The following NF2 variants were observed in gnomAD, a reference collection of about 807,000 sequenced individuals.
NF2 encodes NF2, moesin-ezrin-radixin like (MERLIN) tumor suppressor, also known as merlin.
NF2 carries 8 observed loss-of-function variants against 83.7 expected under a neutral mutation model. The ratio of observed to expected loss-of-function variants is 0.10; its 90% CI spans 0.06 to 0.17. The LOEUF is 0.17. NF2 is among the 10% of genes least tolerant of loss of function. NF2 has a pLI of 1.00. For synonymous variants in NF2, 266 were observed against 269.6 expected (o/e 0.99, Z 0.13); for missense variants, 533 against 744.4 (o/e 0.72, Z 3.31).
intron 1 of NF2, among the ~76,000 whole-genome samples, chr22:29,607,615 G>A (rs1431668296): frequency 1.3e-5 from 2 of 152,114 alleles, no homozygotes; most frequent in Non-Finnish European, 2.9e-5. Context: ...ATTGTGAGAC[G>A]TACAAAGAAA....
At chr22:29,675,746 A>G (rs574644060) in intron 13 of NF2, among the ~76,000 whole-genome samples, 12 of 152,194 alleles carry the variant, frequency 7.9e-5, no homozygotes, top group East Asian at 3.9e-4. Context: ...AGTCATCTAC[A>G]TGGCACAGAC....
chr22:29,677,500 CAA>C (rs200098005), intron 13 of NF2, among the ~76,000 whole-genome samples: 3 of 128,756 alleles, frequency 2.3e-5, no homozygotes, highest in African/African-American at 2.9e-5. Flanking sequence ...GATGAAAGTC[CAA>C]AAAAAAAAAA....
At chr22:29,619,453 G>A (rs1352888536) in intron 1 of NF2, among the ~76,000 whole-genome samples, 6 of 151,376 alleles carry the variant, frequency 4.0e-5, no homozygotes, top group African/African-American at 1.5e-4. Context: ...CTGGAGTGCA[G>A]TGGCGTGATC....
intron 13 of NF2, 37 bp downstream of exon 13, chr22:29,674,978 C>A (rs2147094534): frequency 6.6e-7 from 1 of 1,515,912 alleles, no homozygotes; most frequent in Non-Finnish European, 9.0e-7. Flanking sequence ...CTGCCTTAGT[C>A]CTGGTGATGT....
intron 15 of NF2, among the ~76,000 whole-genome samples, chr22:29,682,350 A>G (rs887200118): frequency 6.6e-6 from 1 of 152,212 alleles, no homozygotes; most frequent in East Asian, 1.9e-4. Flanking sequence ...ATACTGATAC[A>G]GTTAATTTTT....
chr22:29,654,349 C>T (rs551325371), intron 4 of NF2, among the ~76,000 whole-genome samples: 1 of 152,306 alleles, frequency 6.6e-6, no homozygotes. Flanking sequence ...AATTCAAAAG[C>T]TACTGTTTTG....
chr22:29,624,493 C>T (rs2065291504), intron 1 of NF2, among the ~76,000 whole-genome samples: 1 of 152,124 alleles, frequency 6.6e-6, no homozygotes, highest in African/African-American at 2.4e-5. Flanking sequence ...CAGGTGTGAG[C>T]CAACGTGCCT....
intron 5 of NF2, 102 bp downstream of exon 5, chr22:29,654,827 T>C (rs2066252584): frequency 2.3e-6 from 2 of 860,584 alleles, no homozygotes; most frequent in African/African-American, 1.7e-5. Flanking sequence ...CATAGCAATT[T>C]AATTTTAATA....
At chr22:29,653,388 G>A (rs1431925309) in intron 4 of NF2, among the ~76,000 whole-genome samples, 1 of 147,288 alleles carries the variant, frequency 6.8e-6, no homozygotes, top group Non-Finnish European at 1.5e-5. Flanking sequence ...AGGTTGCGGT[G>A]AGCTGAGATC....
chr22:29,618,732 T>C (rs2065136897), intron 1 of NF2, among the ~76,000 whole-genome samples: 1 of 152,236 alleles, frequency 6.6e-6, no homozygotes, highest in African/African-American at 2.4e-5. Context: ...CTCCTTCTCC[T>C]GTTGTTTGGC....
At chr22:29,609,300 A>C (rs1413948431) in intron 1 of NF2, 1 of 679,612 alleles carries the variant, frequency 1.5e-6, no homozygotes, top group Non-Finnish European at 2.8e-6. Flanking sequence ...TTAAAGGTTC[A>C]CTGGTTGAGG....
At position 29,668,464 on chromosome 22, in the gene NF2, T is replaced by G. The variant is rs552945722; in HGVS notation, c.999+18T>G. 6.3e-7 allele frequency: 1 copy of G among 1,578,286 alleles called. No individual in the cohort carries two copies. The highest frequency in any genetic ancestry group is 1.7e-5 in the Admixed American group (1 of 59,822). Reference sequence around the variant, plus strand: ...GAAAGCAGGTGAGCACAACCTTGTTTTAACTGATGATGTCACTGTGTGGTC... The same window carrying G: ...GAAAGCAGGTGAGCACAACCTTGTTGTAACTGATGATGTCACTGTGTGGTC... On this transcript the variant is annotated intron_variant, in intron 10 of 15. Coordinates refer to ENST00000338641, the MANE Select transcript of NF2 (RefSeq NM_000268.4).
Position 29,696,824 on chromosome 22 carries a change from G to GTTT in NF2, c.*2030_*2032dup, listed in dbSNP as rs11442202. Reference sequence around the variant, plus strand: ...TTTTTTTTTTTCTGTTTCTGTTTCTGTTTTTTTTTTGAGATGGAGTCTCGC... The same window carrying GTTT: ...TTTTTTTTTTTCTGTTTCTGTTTCTGTTTTTTTTTTTTTGAGATGGAGTCTCGC... On this transcript the variant is annotated 3_prime_UTR_variant, in exon 16 of 16. Transcript: ENST00000338641. The GTTT allele has an allele frequency of 1.2e-4, 20 of 165,074 alleles. No individual in the cohort carries two copies. The highest frequency in any genetic ancestry group is 3.2e-4 in the East Asian group (3 of 9,346). The allele number at this position is 165,074 out of a possible 1,614,324, so 10.2% of individuals were successfully genotyped here.
chr22:29,666,462 T>G (rs1249883712), intron 9 of NF2, among the ~76,000 whole-genome samples: 1 of 152,092 alleles, frequency 6.6e-6, no homozygotes, highest in Non-Finnish European at 1.5e-5. Context: ...TTTAACAGGC[T>G]GTTATGAAAA....
At chr22:29,669,149 A>G (rs957672620) in intron 10 of NF2, among the ~76,000 whole-genome samples, 1 of 152,142 alleles carries the variant, frequency 6.6e-6, no homozygotes, top group African/African-American at 2.4e-5. Context: ...GTCTGTGTGC[A>G]CCTTTCTGAT....
At position 29,698,279 on chromosome 22, in the gene NF2, CT is replaced by C. The variant is rs1457651644; in HGVS notation, c.*3485del. The C allele has an allele frequency of 5.8e-5, 13 of 226,036 alleles. No homozygotes were observed. Among genetic ancestry groups the C allele is most frequent in the Non-Finnish European group, 9.7e-5 (11 of 113,600 alleles). 14.0% of individuals were successfully genotyped at this position (226,036 alleles called of 1,614,324 possible). On this transcript the variant is annotated 3_prime_UTR_variant, in exon 16 of 16. Transcript: ENST00000338641. ...GGGACAGGTTTCTCTCTTTCCCTCT[CT>C]TTTTTTTGTCAAAAGCCCAGAGACT...
At chr22:29,652,190 T>C (rs1321798178) in intron 4 of NF2, among the ~76,000 whole-genome samples, 1 of 152,180 alleles carries the variant, frequency 6.6e-6, no homozygotes, top group African/African-American at 2.4e-5. Context: ...CCACTTCCCT[T>C]CAGGATCCTC....
At chr22:29,609,099 A>G (rs1033274329) in intron 1 of NF2, 4 of 747,738 alleles carry the variant, frequency 5.3e-6, no homozygotes, top group Non-Finnish European at 7.5e-6. Flanking sequence ...TACATCTTTC[A>G]TCTCGAGGAA....
intron 4 of NF2, among the ~76,000 whole-genome samples, chr22:29,651,204 A>C (rs1169199889): frequency 6.6e-6 from 1 of 152,182 alleles, no homozygotes; most frequent in Non-Finnish European, 1.5e-5. Flanking sequence ...AATCCTACTC[A>C]GAGCATTTTA....
Sources: allele counts gnomAD v4.1 joint callset (sites outside exome capture counted in the v4.1 genomes callset), GRCh38; gene constraint gnomAD v4.1.1; transcripts MANE v1.5; gene names NCBI Gene and HGNC (gene_info 2026-07-23, HGNC 2026-07-21).